JADE2: variants seen among roughly 807,000 people sequenced by gnomAD.
JADE2 encodes E3 ubiquitin-protein ligase Jade-2.
In JADE2, 13 loss-of-function variants were observed where a neutral mutation model predicts 85.7. The observed-to-expected ratio is 0.15, with a 90% CI of 0.10 to 0.24. JADE2 has a LOEUF of 0.24. JADE2 is among the 10% of genes least tolerant of loss of function. The pLI, the probability that JADE2 is intolerant of heterozygous loss-of-function variation, is 1.00. For synonymous variants in JADE2, 440 were observed against 456.1 expected (o/e 0.96, Z 0.45); for missense variants, 846 against 1,115.9 (o/e 0.76, Z 3.45).
At chr5:134,564,446 G>A in intron 7 of JADE2, 48 bp from the exon 8 acceptor site, 2 of 1,308,618 alleles carry the variant, frequency 1.5e-6, no homozygotes, top group Non-Finnish European at 2.1e-6. Flanking sequence ...ATCCCTGGAG[G>A]CAGGCTGGGG....
chr5:134,548,191 A>G (rs1404129688), intron 3 of JADE2, among the ~76,000 whole-genome samples: 1 of 152,216 alleles, frequency 6.6e-6, no homozygotes, highest in Non-Finnish European at 1.5e-5. Context: ...GAACTTGCAA[A>G]GACCACAGTC....
At chr5:134,568,505 C>CA (rs1268851384) in intron 9 of JADE2, among the ~76,000 whole-genome samples, 1 of 152,188 alleles carries the variant, frequency 6.6e-6, no homozygotes, top group Non-Finnish European at 1.5e-5. Context: ...GAGACTCCTG[C>CA]AGTGGGAGCC....
In JADE2 at chr5:134,562,498, C is replaced by T. The variant is rs1483344370; in HGVS notation, c.852+131C>T. ...CACTAAAACACTGAGATCGGCCGGG[C>T]GCGGTGGCTCACGCCTGTAATCCCA... On this transcript the variant is annotated intron_variant, in intron 7 of 11. Transcript: ENST00000681547. The surrounding 1 kb of genome is among the most constrained non-coding windows in gnomAD (Gnocchi z 4.6). The T allele has an allele frequency of 1.4e-5, 13 of 944,132 alleles. No homozygotes were observed. In the Admixed American group the frequency reaches 2.3e-4, roughly 17 times the overall value. 58.5% of individuals were successfully genotyped at this position (944,132 alleles called of 1,614,324 possible).
Position 134,525,834 on chromosome 5 carries a change from G to A in JADE2, c.-178G>A. 1.0e-6 allele frequency: 1 copy of A among 1,000,716 alleles called. No individual in the cohort carries two copies. Among genetic ancestry groups the A allele is most frequent in the South Asian group, 4.0e-5 (1 of 25,076 alleles). 62.0% of individuals were successfully genotyped at this position (1,000,716 alleles called of 1,614,324 possible). On this transcript the variant is annotated 5_prime_UTR_variant, in exon 1 of 12. Coordinates refer to ENST00000681547, the MANE Select transcript of JADE2 (RefSeq NM_001388185.1). ...GACCGTCCCCGGCGGGGGGCGTGGG[G>A]CCTGGGACGCCGCGGGCCCGGCCGC...
chr5:134,532,700 C>T (rs140470948), intron 1 of JADE2, among the ~76,000 whole-genome samples: 2 of 152,190 alleles, frequency 1.3e-5, no homozygotes, highest in African/African-American at 2.4e-5. Flanking sequence ...CCTCCACCCC[C>T]CAAGTGTGTT....
At chr5:134,572,744 C>T (rs973933972) in intron 9 of JADE2, among the ~76,000 whole-genome samples, 2 of 152,224 alleles carry the variant, frequency 1.3e-5, no homozygotes, top group African/African-American at 4.8e-5. Flanking sequence ...GGAGGGATGG[C>T]CCACTGGGGT....
intron 4 of JADE2, 79 bp downstream of exon 4, chr5:134,552,288 C>T: frequency 1.5e-6 from 2 of 1,321,846 alleles, no homozygotes; most frequent in South Asian, 2.8e-5. Flanking sequence ...AGGTGACCTG[C>T]CAGTCCTGGA....
At chr5:134,525,608 C>G (rs966312117), upstream of JADE2, 2 of 414,934 alleles carry the variant, frequency 4.8e-6, no homozygotes, top group African/African-American at 4.5e-5. Context: ...CACCCCACCC[C>G]CACCCCAACA....
At position 134,578,697 on chromosome 5, in the gene JADE2, C is replaced by G. The variant is rs780606341; in HGVS notation, c.1885C>G (p.Leu629Val). 6.2e-7 allele frequency: 1 copy of G among 1,613,822 alleles called. No homozygotes were observed. The highest frequency in any genetic ancestry group is 1.7e-5 in the Admixed American group (1 of 60,020). Residue 629 changes from leucine (L) to valine (V), a missense_variant, in exon 12 of 12, where the codon CTG (leucine) becomes GTG (valine). Transcript: ENST00000681547. This position sits in a 1 kb window ranked among gnomAD's most constrained non-coding sequence, Gnocchi z 4.4. ...TLLSFMRDPSLRPGDPARKAR... is the reference protein window; with the variant it reads ...TLLSFMRDPSVRPGDPARKAR... The stretch of plus-strand genomic sequence containing the variant: ...GCTCAGCTTCATGCGGGACCCCTCG[C>G]TGCGACCTGGTGACCCTGCTAGGAA...
At position 134,572,235 on chromosome 5, in the gene JADE2, G is replaced by A. The variant is rs139043782; in HGVS notation, c.1435-1410G>A. On this transcript the variant is annotated intron_variant, in intron 9 of 11. Coordinates refer to ENST00000681547, the MANE Select transcript of JADE2 (RefSeq NM_001388185.1). ...AGTGGTACTGGCCATAGGGATAGGCGGAGCTGAGGCTCAGAGGTGGGTGGC... is the reference window on the plus strand; with the variant it reads ...AGTGGTACTGGCCATAGGGATAGGCAGAGCTGAGGCTCAGAGGTGGGTGGC... 4.4e-4 allele frequency among the ~76,000 whole-genome samples: 67 copies of A among 152,326 alleles called. 1 individual carries two copies. In the East Asian group the frequency reaches 0.012, roughly 27 times the overall value.
intron 2 of JADE2, among the ~76,000 whole-genome samples, chr5:134,537,648 G>A (rs1435078742): frequency 6.6e-6 from 1 of 152,194 alleles, no homozygotes; most frequent in Non-Finnish European, 1.5e-5. Flanking sequence ...CTAACCTGGG[G>A]CAGGGTGGAG....
At chr5:134,538,189 G>A in intron 3 of JADE2, 106 bp downstream of exon 3, 1 of 868,138 alleles carries the variant, frequency 1.2e-6, no homozygotes, top group South Asian at 1.5e-5. Context: ...AGTGCAGAGG[G>A]AGGCCAGCGT....
At chr5:134,570,838 G>A (rs962195246) in intron 9 of JADE2, among the ~76,000 whole-genome samples, 13 of 152,130 alleles carry the variant, frequency 8.5e-5, no homozygotes, top group African/African-American at 1.7e-4. Context: ...TGTCTTTCAC[G>A]GCTGCCCACA....
At chr5:134,571,548 T>A (rs998175842) in intron 9 of JADE2, among the ~76,000 whole-genome samples, 20 of 152,064 alleles carry the variant, frequency 1.3e-4, no homozygotes, top group Non-Finnish European at 2.5e-4. Flanking sequence ...AATACAAAAA[T>A]TAGCCAGGTG....
chr5:134,567,417 A>C (rs1763711577), intron 9 of JADE2, among the ~76,000 whole-genome samples: 1 of 152,148 alleles, frequency 6.6e-6, no homozygotes, highest in African/African-American at 2.4e-5. Flanking sequence ...GAGTGAAATG[A>C]AGCAGGATTT....
At chr5:134,533,502 A>T (rs560851756) in intron 1 of JADE2, 10 of 984,192 alleles carry the variant, frequency 1.0e-5, no homozygotes, top group African/African-American at 7.0e-5. Flanking sequence ...TCTGCTTTTA[A>T]TACTGTGGGA....
chr5:134,565,237 G>T (rs1473671240), intron 8 of JADE2, among the ~76,000 whole-genome samples: 4 of 152,198 alleles, frequency 2.6e-5, no homozygotes, highest in African/African-American at 9.7e-5. Context: ...CATCTTTTAG[G>T]AACAGAGTTG....
At chr5:134,543,682 CA>C (rs573239133) in intron 3 of JADE2, among the ~76,000 whole-genome samples, 1 of 151,444 alleles carries the variant, frequency 6.6e-6, no homozygotes, top group East Asian at 1.9e-4. Flanking sequence ...GTCTCAAAAA[CA>C]AAAAAAAGCA....
chr5:134,525,633 A>G (rs1416083987), upstream of JADE2: 18 of 545,412 alleles, frequency 3.3e-5, no homozygotes, highest in Non-Finnish European at 3.5e-5. Flanking sequence ...TTTTTTTTCT[A>G]AAGAGATCAC....
Sources: allele counts gnomAD v4.1 joint callset (sites outside exome capture counted in the v4.1 genomes callset), GRCh38; gene constraint gnomAD v4.1.1; non-coding constraint Gnocchi (gnomAD v3.1); transcripts MANE v1.5; gene names NCBI Gene and HGNC (gene_info 2026-07-23, HGNC 2026-07-21).